The following DAB2 variants were observed in gnomAD, a reference collection of about 807,000 sequenced individuals.
DAB2 encodes the protein DAB adaptor protein 2.
A neutral mutation model predicts 71.6 loss-of-function variants in DAB2; 28 were observed. The ratio of observed to expected loss-of-function variants is 0.39; its 90% CI spans 0.29 to 0.54. The LOEUF (loss-of-function observed/expected upper bound fraction) is 0.54. Ranked by LOEUF, DAB2 falls within the 20% of genes least tolerant of loss-of-function variation. The pLI, the probability that DAB2 is intolerant of heterozygous loss-of-function variation, is 0.68. For synonymous variants in DAB2, 345 were observed against 339.7 expected (o/e 1.02, Z -0.17); for missense variants, 867 against 928.8 (o/e 0.93, Z 0.86).
In DAB2 at chr5:39,377,023, G is replaced by C. The variant is rs762701695; in HGVS notation, c.1764C>G (p.Ser588Arg). 1 of 1,614,114 alleles carries C rather than the reference G, an allele frequency of 6.2e-7. No individual in the cohort carries two copies. The highest frequency in any genetic ancestry group is 1.1e-5 in the South Asian group (1 of 91,084). ...SVAPNAWSTT[S>R]PLGNPFQSNI... ...TGCTCTGAAAAGGATTCCCCAAAGGGCTTGTTGTTGACCAAGCATTGGGTG... is the reference window on the plus strand; with the variant it reads ...TGCTCTGAAAAGGATTCCCCAAAGGCCTTGTTGTTGACCAAGCATTGGGTG... The change falls in exon 12 of 15, where the codon AGC (serine) becomes AGG (arginine). Residue 588 changes from serine (S) to arginine (R), a missense_variant. Ser to Arg is a moderately radical substitution (Grantham distance 110). This residue lies in a region of DAB2 where 740 missense variants were observed against 734.3 expected (regional missense o/e 1.01). Coordinates refer to ENST00000320816, the MANE Select transcript of DAB2 (RefSeq NM_001343.4).
intron 3 of DAB2, among the ~76,000 whole-genome samples, chr5:39,392,992 G>A (rs1269050285): frequency 3.9e-5 from 6 of 152,146 alleles, no homozygotes; most frequent in Admixed American, 6.5e-5. Context: ...ATAGGAATAC[G>A]CTTGGTTCGT....
At chr5:39,410,961 T>C (rs1263059363) in intron 1 of DAB2, among the ~76,000 whole-genome samples, 1 of 152,308 alleles carries the variant, frequency 6.6e-6, no homozygotes, top group African/African-American at 2.4e-5. Flanking sequence ...GGTTTGACTT[T>C]AGGCAAAAGG....
intron 13 of DAB2, 132 bp downstream of exon 13, chr5:39,375,865 G>A (rs1754815058): frequency 4.2e-6 from 3 of 716,128 alleles, no homozygotes; most frequent in Admixed American, 3.0e-5. Flanking sequence ...CAGCCTGGCC[G>A]ACAGAGCAAG....
intron 1 of DAB2, among the ~76,000 whole-genome samples, chr5:39,411,207 T>C (rs1208493007): frequency 6.6e-6 from 1 of 152,104 alleles, no homozygotes; most frequent in Admixed American, 6.6e-5. Context: ...GAAATACTCA[T>C]ATTTATATTG....
At chr5:39,379,134 T>C (rs946678577) in intron 11 of DAB2, among the ~76,000 whole-genome samples, 1 of 152,142 alleles carries the variant, frequency 6.6e-6, no homozygotes, top group Admixed American at 6.5e-5. Flanking sequence ...AAATATCATA[T>C]TAGTGAGAAT....
intron 10 of DAB2, 38 bp downstream of exon 10, chr5:39,382,580 T>A: frequency 6.3e-7 from 1 of 1,578,866 alleles, no homozygotes; most frequent in South Asian, 1.1e-5. Flanking sequence ...GTACCGAACA[T>A]GCACTCTGCT....
At chr5:39,402,018 G>A (rs538291771) in intron 1 of DAB2, among the ~76,000 whole-genome samples, 1 of 152,214 alleles carries the variant, frequency 6.6e-6, no homozygotes, top group South Asian at 2.1e-4. Flanking sequence ...CGTGGTGGAA[G>A]GTGAAAGGCA....
rs2112020804 is a variant in DAB2, at chr5:39,376,174, A to G, written c.2138-68T>C. Reference sequence around the variant, plus strand: ...CCAAATATAGGCCAGTCCCCGAGTCAGCTTATTTTTGAAGTTTAGTTCTAT... The same window carrying G: ...CCAAATATAGGCCAGTCCCCGAGTCGGCTTATTTTTGAAGTTTAGTTCTAT... On this transcript the variant is annotated intron_variant, in intron 12 of 14. Coordinates refer to ENST00000320816, the MANE Select transcript of DAB2 (RefSeq NM_001343.4). The G allele has an allele frequency of 3.2e-6, 4 of 1,264,498 alleles. No individual in the cohort carries two copies. The East Asian group carries it at 9.4e-5, about 30-fold the overall frequency. The allele number at this position is 1,264,498 out of a possible 1,614,324, so 78.3% of individuals were successfully genotyped here.
intron 1 of DAB2, among the ~76,000 whole-genome samples, chr5:39,406,194 A>G (rs1427707430): frequency 6.6e-6 from 1 of 152,148 alleles, no homozygotes; most frequent in Non-Finnish European, 1.5e-5. Context: ...AGGCAGTCTT[A>G]ACTAAAGACC....
At chr5:39,410,156 T>C (rs974635871) in intron 1 of DAB2, among the ~76,000 whole-genome samples, 7 of 152,128 alleles carry the variant, frequency 4.6e-5, no homozygotes, top group Non-Finnish European at 8.8e-5. Context: ...ATGAGTTGCA[T>C]AAAAACAAGA....
rs139822300 is a variant in DAB2, at chr5:39,390,657, A to G, written c.331-82T>C. 2.1e-3 allele frequency: 1,964 copies of G among 956,062 alleles called. 28 individuals are homozygous for G. In the African/African-American group the frequency reaches 0.029, roughly 14 times the overall value. The allele number at this position is 956,062 out of a possible 1,614,324, so 59.2% of individuals were successfully genotyped here. A position where few individuals can be genotyped will look rare whatever the true frequency, so the allele number is the denominator to read the frequency against. On this transcript the variant is annotated intron_variant, in intron 4 of 14. Transcript: ENST00000320816. ...TAGCACACCGAAGCCTCAGACACAT[A>G]TATGAAGGCATATATGAAAAGTTTA...
chr5:39,374,677 C>T (rs1754778617), intron 14 of DAB2: 1 of 224,020 alleles, frequency 4.5e-6, no homozygotes, highest in Non-Finnish European at 8.6e-6. Flanking sequence ...TGTTTTGCAA[C>T]CACTTCAATA....
intron 1 of DAB2, among the ~76,000 whole-genome samples, chr5:39,396,186 A>G (rs1489196407): frequency 6.6e-6 from 1 of 151,994 alleles, no homozygotes; most frequent in South Asian, 2.1e-4. Context: ...TGACCTTGTG[A>G]TCCGCCTGAC....
chr5:39,413,677 C>A (rs1755781439), intron 1 of DAB2, among the ~76,000 whole-genome samples: 1 of 152,062 alleles, frequency 6.6e-6, no homozygotes, highest in Non-Finnish European at 1.5e-5. Context: ...CAAGAAAATG[C>A]TCATTAAGAA....
intron 2 of DAB2, 80 bp downstream of exon 2, chr5:39,394,150 A>T: frequency 8.7e-7 from 1 of 1,152,306 alleles, no homozygotes; most frequent in Non-Finnish European, 1.3e-6. Flanking sequence ...GCCAGCCCTT[A>T]CTTTATTCTG....
intron 14 of DAB2, 178 bp downstream of exon 14, chr5:39,374,836 T>C: frequency 1.7e-6 from 1 of 586,460 alleles, no homozygotes; most frequent in Non-Finnish European, 3.0e-6. Flanking sequence ...AATTCTATTC[T>C]TAAGTGCCCA....
intron 1 of DAB2, among the ~76,000 whole-genome samples, chr5:39,421,581 G>GT (rs1161793945): frequency 6.6e-6 from 1 of 152,148 alleles, no homozygotes; most frequent in Admixed American, 6.5e-5. Context: ...AGTGTTGAAT[G>GT]TTAGCCCTCT....
chr5:39,380,670 CT>C (rs1754959430), intron 11 of DAB2, among the ~76,000 whole-genome samples: 1 of 152,210 alleles, frequency 6.6e-6, no homozygotes, highest in South Asian at 2.1e-4. Flanking sequence ...GTCAAGTGGA[CT>C]TTCCCACTGT....
Position 39,422,639 on chromosome 5 carries a change from T to A in DAB2, c.-102+2165A>T, listed in dbSNP as rs575754357. ...CCAGGAGCACTCAGCAAGGAAGATA[T>A]CTTCCTGCTCCCTTAACCTTCAGAT... is the stretch of plus-strand genomic sequence containing the variant. On this transcript the variant is annotated intron_variant, in intron 1 of 14. Transcript: ENST00000320816. The surrounding 1 kb of genome is among the most constrained non-coding windows in gnomAD (Gnocchi z 4.1). 2.0e-5 allele frequency among the ~76,000 whole-genome samples: 3 copies of A among 152,086 alleles called. No homozygotes were observed. Among genetic ancestry groups the A allele is most frequent in the African/African-American group, 7.2e-5 (3 of 41,408 alleles).
Sources: gnomAD v4.1 joint callset for allele counts (sites outside exome capture counted in the v4.1 genomes callset) on GRCh38, gnomAD v4.1.1 for gene constraint, gnomAD v4.1.1 regional missense constraint, Gnocchi (gnomAD v3.1) non-coding constraint, MANE v1.5 for transcripts, NCBI Gene and HGNC (gene_info 2026-07-23, HGNC 2026-07-21) for gene names.